DOCK9: variants seen among roughly 807,000 people sequenced by gnomAD.
DOCK9 encodes dedicator of cytokinesis 9.
Under a neutral mutation model 263.3 loss-of-function variants are expected in DOCK9, and 89 were observed. The observed-to-expected ratio is 0.34, with a 90% confidence interval of 0.28 to 0.40. The LOEUF is 0.40. Among genes scored for constraint, DOCK9 ranks in the 10% least tolerant of loss-of-function variants. The probability of loss-of-function intolerance (pLI) is 1.00; values close to 1 mark genes in which losing one functional copy is unlikely to be tolerated. For synonymous variants in DOCK9, 976 were observed against 973.1 expected, an observed-to-expected ratio of 1.00 and a Z score of -0.06; for missense variants, 2,140 against 2,603.4, an observed-to-expected ratio of 0.82 and a Z score of 3.87.
rs140164060 is a variant in DOCK9 at position 99,026,368 on chromosome 13, C to T, written c.129+59855G>A. Reference sequence around the variant, plus strand: ...CAAAGTTGAATTTCTCTTGAAAGTACCCTAATTTCAATACCGTTATCTTTC... The same window carrying T: ...CAAAGTTGAATTTCTCTTGAAAGTATCCTAATTTCAATACCGTTATCTTTC... On this transcript the variant is annotated intron_variant, in intron 1 of 32. Coordinates refer to the DOCK9 transcript ENST00000427887. 9.9e-5 allele frequency among the ~76,000 whole-genome samples: 15 copies of T among 152,276 alleles called. No homozygotes were observed. The East Asian group carries it at 2.7e-3, about 27-fold the overall frequency.
intron 52 of DOCK9, among the ~76,000 whole-genome samples, chr13:98,795,499 A>C (rs1250397599): frequency 6.6e-6 from 1 of 152,208 alleles, no homozygotes; most frequent in Non-Finnish European, 1.5e-5. Flanking sequence ...CATAATGGGA[A>C]GTTCAAGGTG....
At chr13:98,941,014 A>G (rs2140522719) in intron 2 of DOCK9, among the ~76,000 whole-genome samples, 1 of 152,202 alleles carries the variant, frequency 6.6e-6, no homozygotes, top group Admixed American at 6.5e-5. Flanking sequence ...AACCGTACTA[A>G]CTTTTCTGGA....
chr13:99,036,267 A>T (rs770302999), intron 1 of DOCK9, among the ~76,000 whole-genome samples: 1 of 152,078 alleles, frequency 6.6e-6, no homozygotes, highest in East Asian at 1.9e-4. Context: ...TCCCAACATG[A>T]TGGTATTTGG....
At chr13:98,960,065 C>T (rs1382673118) in intron 1 of DOCK9, among the ~76,000 whole-genome samples, 1 of 152,130 alleles carries the variant, frequency 6.6e-6, no homozygotes, top group East Asian at 1.9e-4. Context: ...ACCAGACTGC[C>T]GGTCCCCACT....
chr13:98,944,233 A>G (rs928418683), intron 2 of DOCK9, among the ~76,000 whole-genome samples: 4 of 152,094 alleles, frequency 2.6e-5, no homozygotes, highest in Admixed American at 2.0e-4. Context: ...AACATCTTAC[A>G]TTTACTTGAT....
intron 43 of DOCK9, among the ~76,000 whole-genome samples, chr13:98,828,982 A>G (rs770301390): frequency 6.6e-5 from 10 of 152,246 alleles, no homozygotes; most frequent in Non-Finnish European, 1.2e-4. Flanking sequence ...AACAGGAGGA[A>G]TTCATTTGAT....
intron 1 of DOCK9, among the ~76,000 whole-genome samples, chr13:99,079,373 A>T (rs2042036927): frequency 6.6e-6 from 1 of 152,078 alleles, no homozygotes; most frequent in African/African-American, 2.4e-5. Context: ...CCCCATACCT[A>T]CACCTGTGAC....
chr13:98,965,828 G>A (rs1032733059), intron 1 of DOCK9, among the ~76,000 whole-genome samples: 8 of 152,216 alleles, frequency 5.3e-5, no homozygotes, highest in Non-Finnish European at 1.0e-4. Flanking sequence ...TCATGCTCCA[G>A]TGTGGTGTTA....
At position 98,868,253 on chromosome 13, in the gene DOCK9, T is replaced by C. The variant is rs1344987400; in HGVS notation, c.3068A>G (p.His1023Arg). The stretch of plus-strand genomic sequence containing the variant: ...CACCTTGATGAAGACAGCAAGGCTA[T>C]GATTCGCGTTCTTAGATGCCTCTGG... Reference protein sequence around the residue: ...DNPEASKNANHSLAVFIKRCF... With the variant: ...DNPEASKNANRSLAVFIKRCF... Residue 1023 changes from histidine to arginine, a missense_variant, in exon 28 of 53, where the codon CAT becomes CGT. Transcript: ENST00000682017. The C allele has an allele frequency of 3.7e-6, 6 of 1,613,838 alleles. No homozygotes were observed. The highest frequency in any genetic ancestry group is 4.2e-6 in the Non-Finnish European group (5 of 1,179,890).
intron 1 of DOCK9, among the ~76,000 whole-genome samples, chr13:98,998,365 T>C (rs557148359): frequency 6.6e-6 from 1 of 152,274 alleles, no homozygotes; most frequent in Admixed American, 6.5e-5. Flanking sequence ...GACTGATTAT[T>C]TGTCTAGGCA....
chr13:98,921,901 G>T, intron 6 of DOCK9, 150 bp downstream of exon 6: 1 of 658,340 alleles, frequency 1.5e-6, no homozygotes, highest in Non-Finnish European at 2.6e-6. Context: ...GTGCCAATGG[G>T]GGTGCTATCA....
chr13:98,936,634 A>G (rs909283884), intron 2 of DOCK9, among the ~76,000 whole-genome samples: 3 of 85,088 alleles, frequency 3.5e-5, no homozygotes, highest in African/African-American at 6.8e-5. Flanking sequence ...AAAAAAAAAA[A>G]AAAGAAAGAA....
In DOCK9 at chr13:98,930,183, G is replaced by A. The variant is rs1225456849; in HGVS notation, c.318C>T (p.Ser106=). 2.5e-6 allele frequency: 4 copies of A among 1,610,700 alleles called. 1 individual carries two copies. The highest frequency in any genetic ancestry group is 2.2e-5 in the South Asian group (2 of 89,922). ...AGAGCCTTACCTCTGTAACAAACAAGCTCTGTGCTTCCTCTTCCGCCTTCG... is the reference window on the plus strand; with the variant it reads ...AGAGCCTTACCTCTGTAACAAACAAACTCTGTGCTTCCTCTTCCGCCTTCG... ...VPAKAEEEAQ[S]LFVTECIKTY... The change falls in exon 3 of 53, where the codon AGC becomes AGT. Residue 106 remains serine, a synonymous_variant. Coordinates refer to ENST00000682017, the MANE Select transcript of DOCK9 (RefSeq NM_001366683.2).
intron 1 of DOCK9, among the ~76,000 whole-genome samples, chr13:99,079,316 T>C (rs377611864): frequency 5.7e-4 from 83 of 146,036 alleles, no homozygotes; most frequent in African/African-American, 2.0e-3. Context: ...GCAGAGTGGC[T>C]AGGAGCTCAG....
At chr13:98,960,721 G>A (rs2058538232) in intron 1 of DOCK9, among the ~76,000 whole-genome samples, 1 of 152,116 alleles carries the variant, frequency 6.6e-6, no homozygotes, top group Admixed American at 6.5e-5. Flanking sequence ...TAAATTCTGA[G>A]GCCCCAGTCC....
At chr13:98,807,905 G>A in intron 47 of DOCK9, 98 bp from the exon 48 acceptor site, 2 of 1,054,388 alleles carry the variant, frequency 1.9e-6, no homozygotes, top group Non-Finnish European at 1.3e-6. Context: ...AAAAAGGAAT[G>A]GGTCTAAAAA....
At chr13:98,877,405 T>C (rs912994688) in intron 27 of DOCK9, among the ~76,000 whole-genome samples, 1 of 152,270 alleles carries the variant, frequency 6.6e-6, no homozygotes, top group African/African-American at 2.4e-5. Flanking sequence ...TGATTTTGAA[T>C]ATCCTTGTAT....
chr13:98,975,805 T>C (rs1261699358), intron 1 of DOCK9, among the ~76,000 whole-genome samples: 1 of 152,214 alleles, frequency 6.6e-6, no homozygotes, highest in African/African-American at 2.4e-5. Flanking sequence ...TCTCTAGGTA[T>C]AATGCATTCA....
intron 52 of DOCK9, chr13:98,796,122 T>C: frequency 9.7e-7 from 1 of 1,028,286 alleles, no homozygotes; most frequent in East Asian, 2.6e-5. Flanking sequence ...ATTATGCCAA[T>C]GTCTGTAGTT....
Sources: gnomAD v4.1 joint callset for allele counts (sites outside exome capture counted in the v4.1 genomes callset) on GRCh38, gnomAD v4.1.1 for gene constraint, MANE v1.5 for transcripts, NCBI Gene and HGNC (gene_info 2026-07-23, HGNC 2026-07-21) for gene names.